The following CCDC186 variants were observed in gnomAD, a reference collection of about 807,000 sequenced individuals.
The protein encoded by CCDC186 is coiled-coil domain-containing protein 186.
CCDC186 carries 49 observed loss-of-function variants against 113.7 expected under a neutral mutation model. The observed-to-expected ratio is 0.43, with a 90% confidence interval of 0.34 to 0.55. The LOEUF (loss-of-function observed/expected upper bound fraction) is 0.55, where lower values mean the gene tolerates loss of function less well. Among genes scored for constraint, CCDC186 ranks in the 20% least tolerant of loss-of-function variants. CCDC186 has a pLI of 0.02. For missense variants in CCDC186, 890 were observed against 1,011.1 expected (o/e 0.88, Z 1.62); for synonymous variants, 355 against 345.8 (o/e 1.03, Z -0.30).
rs1446619865 is a variant in CCDC186 at position 114,125,980 on chromosome 10, G to C, written c.2519C>G (p.Ala840Gly). ...GAGCTCCAATGTTAATCCATTGTCA[G>C]CTGGATGGGATGTATATAAAGATGC... ...IMASLYTSHP[A>G]DNGLTLELSL... is the part of the protein sequence containing the mutation. The change falls in exon 15 of 16, where the codon GCT becomes GGT. Residue 840 changes from alanine to glycine, a missense_variant. By Grantham distance (60) the Ala-to-Gly change is moderately conservative. Transcript: ENST00000369287. The C allele has an allele frequency of 4.3e-6, 7 of 1,613,996 alleles. No individual in the cohort carries two copies. The highest frequency in any genetic ancestry group is 5.9e-6 in the Non-Finnish European group (7 of 1,179,946).
chr10:114,140,900 CT>C (rs34725526), intron 6 of CCDC186, among the ~76,000 whole-genome samples: 2,231 of 145,212 alleles, frequency 0.015, 54 homozygotes, highest in African/African-American at 0.049. Context: ...ATTTCTGAAT[CT>C]TTTTTTTTTT....
rs534532130 is a variant in CCDC186, at chr10:114,121,683, T to C, written c.*3460A>G. ...TTTGCAAGGATGTTCCAAAGCCTCA[T>C]GTACGAGTGAGATTTCTGGGCCACT... On this transcript the variant is annotated 3_prime_UTR_variant, in exon 16 of 16. Coordinates refer to ENST00000369287, the MANE Select transcript of CCDC186 (RefSeq NM_018017.4). The C allele has an allele frequency of 2.0e-5, 3 of 152,330 alleles. No individual in the cohort carries two copies. Among genetic ancestry groups the C allele is most frequent in the East Asian group, 1.9e-4 (1 of 5,190 alleles). 9.4% of individuals were successfully genotyped at this position (152,330 alleles called of 1,614,324 possible). A position where few individuals can be genotyped will look rare whatever the true frequency, so the allele number is the denominator to read the frequency against.
At position 114,134,208 on chromosome 10, in the gene CCDC186, C is replaced by G. The variant is rs141980099; in HGVS notation, c.1655+705G>C. Among the ~76,000 whole-genome samples, 87 of 152,240 alleles carry G rather than the reference C, an allele frequency of 5.7e-4. No homozygotes were observed. In the East Asian group the frequency reaches 0.017, roughly 29 times the overall value. ...CCCATTTTTTCTGTGAAGAAGTAAA[C>G]ACTTGCCAAGAGTAAATAGAAAGGT... On this transcript the variant is annotated intron_variant, in intron 10 of 15. Transcript: ENST00000369287.
intron 1 of CCDC186, chr10:114,165,968 AT>A (rs201049077): frequency 4.3e-3 from 3,652 of 858,184 alleles, no homozygotes; most frequent in Middle Eastern, 4.7e-3. Context: ...TTGTGACTTC[AT>A]TTTTTTTTTA....
chr10:114,153,763 G>A (rs191844513), intron 3 of CCDC186, among the ~76,000 whole-genome samples: 1 of 148,076 alleles, frequency 6.8e-6, no homozygotes, highest in Admixed American at 6.8e-5. Context: ...TCCGGTCTGG[G>A]TGACAAGAGC....
intron 6 of CCDC186, among the ~76,000 whole-genome samples, chr10:114,138,093 A>G (rs1390727551): frequency 4.5e-5 from 5 of 110,706 alleles, no homozygotes; most frequent in African/African-American, 6.8e-5. Context: ...TACACAAATT[A>G]GCCAGGCATG....
intron 3 of CCDC186, among the ~76,000 whole-genome samples, chr10:114,153,532 T>A (rs1167432944): frequency 1.3e-5 from 2 of 152,102 alleles, no homozygotes; most frequent in Non-Finnish European, 2.9e-5. Flanking sequence ...AAGCCTGTAA[T>A]CTCAGCACTT....
At chr10:114,164,568 G>A (rs1257216976) in intron 1 of CCDC186, among the ~76,000 whole-genome samples, 2 of 151,980 alleles carry the variant, frequency 1.3e-5, no homozygotes, top group African/African-American at 4.8e-5. Flanking sequence ...CTTTTGTCAG[G>A]TATCAACAAA....
chr10:114,142,355 T>C (rs1025166906), intron 6 of CCDC186, among the ~76,000 whole-genome samples: 1 of 152,224 alleles, frequency 6.6e-6, no homozygotes, highest in Non-Finnish European at 1.5e-5. Flanking sequence ...AGCAGTTATG[T>C]CTGGCAAGCA....
rs935674494 is a variant in CCDC186, at chr10:114,136,052, C to T, written c.1426-75G>A. ...TCTAAGATTTATTGCCTGTTCCTTC[C>T]AAAAGGCCTTAAAAGTAGATAGCAA... is the stretch of plus-strand genomic sequence containing the variant. On this transcript the variant is annotated intron_variant, in intron 8 of 15. Coordinates refer to ENST00000369287, the MANE Select transcript of CCDC186 (RefSeq NM_018017.4). 8 of 1,501,622 alleles carry T rather than the reference C, an allele frequency of 5.3e-6. No individual in the cohort carries two copies. The African/African-American group carries it at 1.1e-4, about 21-fold the overall frequency. 93.0% of individuals were successfully genotyped at this position (1,501,622 alleles called of 1,614,324 possible). A position where few individuals can be genotyped will look rare whatever the true frequency, so the allele number is the denominator to read the frequency against.
chr10:114,143,803 C>T (rs114042343), intron 6 of CCDC186, among the ~76,000 whole-genome samples: 2,703 of 152,266 alleles, frequency 0.018, 86 homozygotes, highest in African/African-American at 0.063. Flanking sequence ...CTGATATTTT[C>T]ATAAACTTAC....
intron 15 of CCDC186, 43 bp from the exon 16 acceptor site, chr10:114,125,269 A>C: frequency 7.2e-7 from 1 of 1,393,532 alleles, no homozygotes; most frequent in Non-Finnish European, 1.0e-6. Context: ...GAAAAACAAA[A>C]GTATAATAAA....
chr10:114,140,275 A>G (rs1193608103), intron 6 of CCDC186, among the ~76,000 whole-genome samples: 2 of 152,254 alleles, frequency 1.3e-5, no homozygotes, highest in Non-Finnish European at 2.9e-5. Context: ...AGTCTCATTG[A>G]GAAGGTGCTA....
intron 3 of CCDC186, among the ~76,000 whole-genome samples, chr10:114,153,189 C>A (rs888157332): frequency 6.6e-6 from 1 of 152,082 alleles, no homozygotes; most frequent in Admixed American, 6.5e-5. Flanking sequence ...ATGGAATATT[C>A]CATGACAGAG....
chr10:114,148,386 C>T (rs999753907), intron 4 of CCDC186, among the ~76,000 whole-genome samples: 1 of 152,108 alleles, frequency 6.6e-6, no homozygotes, highest in East Asian at 1.9e-4. Flanking sequence ...CCATTTATGG[C>T]ACAGATAAAG....
intron 6 of CCDC186, among the ~76,000 whole-genome samples, chr10:114,138,171 C>A (rs1386650395): frequency 6.9e-6 from 1 of 145,222 alleles, no homozygotes; most frequent in East Asian, 2.1e-4. Flanking sequence ...ACCCAGGAGG[C>A]AGCAGTTGCA....
intron 12 of CCDC186, 43 bp downstream of exon 12, chr10:114,131,104 G>A: frequency 7.4e-7 from 1 of 1,349,998 alleles, no homozygotes; most frequent in Non-Finnish European, 9.7e-7. Flanking sequence ...ATGATTAAAA[G>A]AAACAAACAC....
rs149993067 is a variant in CCDC186 at position 114,124,905 on chromosome 10, A to G, written c.*238T>C. Reference sequence around the variant, plus strand: ...AATACAAGCAAATTAAGTTGTTTAGATTCAATGACAGGCTGTCATATTGCA... The same window carrying G: ...AATACAAGCAAATTAAGTTGTTTAGGTTCAATGACAGGCTGTCATATTGCA... On this transcript the variant is annotated 3_prime_UTR_variant, in exon 16 of 16. Coordinates refer to ENST00000369287, the MANE Select transcript of CCDC186 (RefSeq NM_018017.4). The G allele has an allele frequency of 2.0e-3, 765 of 373,338 alleles. 11 individuals are homozygous for G. The East Asian group carries it at 0.022, about 11-fold the overall frequency. The allele number at this position is 373,338 out of a possible 1,614,324, so 23.1% of individuals were successfully genotyped here.
At chr10:114,136,660 G>A (rs1422719249) in intron 7 of CCDC186, among the ~76,000 whole-genome samples, 1 of 152,062 alleles carries the variant, frequency 6.6e-6, no homozygotes, top group Non-Finnish European at 1.5e-5. Context: ...TCATTCTTCT[G>A]ACATTTTCTA....
Sources: gnomAD v4.1 joint callset for allele counts (sites outside exome capture counted in the v4.1 genomes callset) on GRCh38, gnomAD v4.1.1 for gene constraint, MANE v1.5 for transcripts, NCBI Gene and HGNC (gene_info 2026-07-23, HGNC 2026-07-21) for gene names.